Variants in MAP2K6 observed in about 807,000 individuals in gnomAD.
MAP2K6 encodes the protein mitogen-activated protein kinase kinase 6.
MAP2K6 carries 16 observed loss-of-function variants against 53.7 expected under a neutral mutation model. That is an observed-to-expected ratio of 0.30 (90% CI 0.20 to 0.45). The LOEUF (loss-of-function observed/expected upper bound fraction) is 0.45, where lower values mean the gene tolerates loss of function less well. Ranked by LOEUF, MAP2K6 falls within the 20% of genes least tolerant of loss-of-function variation. The pLI is 1.00. For synonymous variants in MAP2K6, 132 were observed against 143.1 expected, an observed-to-expected ratio of 0.92 and a Z score of 0.55; for missense variants, 204 against 411.9, an observed-to-expected ratio of 0.50 and a Z score of 4.37.
intron 10 of MAP2K6, among the ~76,000 whole-genome samples, chr17:69,535,840 A>G (rs1268028213): frequency 1.3e-5 from 2 of 151,874 alleles, no homozygotes; most frequent in African/African-American, 4.8e-5. Flanking sequence ...GATCAGAAAA[A>G]TTAGTGTGCA....
chr17:69,462,709 GC>G (rs1297942201), intron 1 of MAP2K6, among the ~76,000 whole-genome samples: 12 of 152,152 alleles, frequency 7.9e-5, no homozygotes, highest in Non-Finnish European at 1.5e-4. Flanking sequence ...GTTCTGCAAA[GC>G]CCTTGGATTT....
chr17:69,439,982 G>GGAAA (rs750330776), intron 1 of MAP2K6, among the ~76,000 whole-genome samples: 1 of 152,134 alleles, frequency 6.6e-6, no homozygotes, highest in Non-Finnish European at 1.5e-5. Context: ...ACCAAGCCTT[G>GGAAA]GAAAGGGTAA....
At chr17:69,437,321 T>A (rs931092191) in intron 1 of MAP2K6, among the ~76,000 whole-genome samples, 25 of 152,288 alleles carry the variant, frequency 1.6e-4, no homozygotes, top group Non-Finnish European at 2.9e-4. Flanking sequence ...AAAATATATT[T>A]ACTAAGCGGA....
At chr17:69,425,469 C>CA in intron 1 of MAP2K6, among the ~76,000 whole-genome samples, 1 of 152,092 alleles carries the variant, frequency 6.6e-6, no homozygotes, top group Non-Finnish European at 1.5e-5. Context: ...CCCACCACCA[C>CA]ACCCAGCTAC....
At chr17:69,498,028 G>A (rs1308904157) in intron 1 of MAP2K6, among the ~76,000 whole-genome samples, 1 of 53,802 alleles carries the variant, frequency 1.9e-5, no homozygotes, top group Non-Finnish European at 4.5e-5. Context: ...ACACATACCC[G>A]CTGTTATTAT....
At chr17:69,457,700 G>A (rs7212259) in intron 1 of MAP2K6, among the ~76,000 whole-genome samples, 36,200 of 152,170 alleles carry the variant, frequency 0.24, 4,489 homozygotes, top group Middle Eastern at 0.29. Context: ...AGCTATTCAG[G>A]AGGCTGAGGC....
intron 1 of MAP2K6, among the ~76,000 whole-genome samples, chr17:69,500,263 A>C (rs1909100005): frequency 6.6e-6 from 1 of 151,714 alleles, no homozygotes; most frequent in African/African-American, 2.4e-5. Flanking sequence ...AACATGGCGA[A>C]ACCCCATCTC....
At chr17:69,453,704 T>C (rs1276436458) in intron 1 of MAP2K6, among the ~76,000 whole-genome samples, 2 of 152,234 alleles carry the variant, frequency 1.3e-5, no homozygotes, top group Non-Finnish European at 2.9e-5. Context: ...TAGCCCTTTG[T>C]AAATGCAATT....
At chr17:69,517,785 G>T (rs1489420401) in intron 4 of MAP2K6, among the ~76,000 whole-genome samples, 172 bp downstream of exon 4, 1 of 152,174 alleles carries the variant, frequency 6.6e-6, no homozygotes, top group African/African-American at 2.4e-5. Context: ...AGTCTTCCTT[G>T]GTGTGAGTTG....
At chr17:69,534,270 A>T (rs1267793738) in intron 10 of MAP2K6, among the ~76,000 whole-genome samples, 2 of 152,206 alleles carry the variant, frequency 1.3e-5, no homozygotes, top group African/African-American at 4.8e-5. Flanking sequence ...ACACGGACTC[A>T]TTCATTTCAC....
chr17:69,421,960 C>T (rs1906097286), intron 1 of MAP2K6, among the ~76,000 whole-genome samples: 1 of 151,912 alleles, frequency 6.6e-6, no homozygotes, highest in Non-Finnish European at 1.5e-5. Context: ...TGCCTCTGCC[C>T]AGCCCCTTCC....
chr17:69,513,881 A>G (rs1461288989), intron 2 of MAP2K6, among the ~76,000 whole-genome samples: 1 of 152,146 alleles, frequency 6.6e-6, no homozygotes, highest in Non-Finnish European at 1.5e-5. Flanking sequence ...TTGGGAGGCC[A>G]TGGCAAGCGG....
At chr17:69,528,265 T>C (rs1433325076) in intron 10 of MAP2K6, among the ~76,000 whole-genome samples, 1 of 152,108 alleles carries the variant, frequency 6.6e-6, no homozygotes, top group Admixed American at 6.5e-5. Context: ...TCCCTGATGA[T>C]GTATGAGGCT....
intron 2 of MAP2K6, among the ~76,000 whole-genome samples, chr17:69,514,088 G>A (rs997530989): frequency 1.5e-4 from 23 of 149,418 alleles, no homozygotes; most frequent in Non-Finnish European, 2.8e-4. Context: ...CAGCCTGGGC[G>A]ACAGGGTGAG....
Position 69,541,322 on chromosome 17 carries a change from T to G in MAP2K6, c.928-354T>G, listed in dbSNP as rs74252580. 3.3e-5 allele frequency among the ~76,000 whole-genome samples: 5 copies of G among 152,312 alleles called. No homozygotes were observed. The East Asian group carries it at 7.7e-4, about 23-fold the overall frequency. On this transcript the variant is annotated intron_variant, in intron 11 of 11. Transcript: ENST00000590474. The stretch of plus-strand genomic sequence containing the variant: ...TTATTATCTTACTACTATATTAGCC[T>G]AAAATGACCTTGTGGGGCCCAGGGC...
At chr17:69,486,124 A>C (rs76074422) in intron 1 of MAP2K6, among the ~76,000 whole-genome samples, 1,899 of 152,262 alleles carry the variant, frequency 0.012, 49 homozygotes, top group African/African-American at 0.044. Context: ...GTGAAGGAGA[A>C]GTGGGGTGGC....
At position 69,551,375 on chromosome 17, in the gene MAP2K6, A is replaced by G. The variant is rs1912093335; in HGVS notation, c.*9622A>G. 6.6e-6 allele frequency: 1 copy of G among 152,268 alleles called. No homozygotes were observed. Among genetic ancestry groups the G allele is most frequent in the Non-Finnish European group, 1.5e-5 (1 of 68,082 alleles). 9.4% of individuals were successfully genotyped at this position (152,268 alleles called of 1,614,324 possible). On this transcript the variant is annotated 3_prime_UTR_variant, in exon 12 of 12. Coordinates refer to ENST00000590474, the MANE Select transcript of MAP2K6 (RefSeq NM_002758.4). ...TAGAAGTTGGAAGCTATGGTGGTGT[A>G]TCTGTCATGAACTGCACACAAGGGA...
At chr17:69,518,278 T>A (rs1859944653) in intron 4 of MAP2K6, among the ~76,000 whole-genome samples, 4 of 152,226 alleles carry the variant, frequency 2.6e-5, no homozygotes. Flanking sequence ...CATCTCAAAG[T>A]GTGTGTGTTT....
At chr17:69,475,034 G>A (rs892725391) in intron 1 of MAP2K6, among the ~76,000 whole-genome samples, 15 of 152,266 alleles carry the variant, frequency 9.9e-5, no homozygotes, top group South Asian at 4.1e-4. Flanking sequence ...CAAAAGCTGT[G>A]CAGTCTTCTG....
Sources: gnomAD v4.1 joint callset for allele counts (sites outside exome capture counted in the v4.1 genomes callset) on GRCh38, gnomAD v4.1.1 for gene constraint, MANE v1.5 for transcripts, NCBI Gene and HGNC (gene_info 2026-07-23, HGNC 2026-07-21) for gene names.